The following KANSL2 variants were observed in gnomAD, a reference collection of about 807,000 sequenced individuals.
KANSL2 encodes the protein KAT8 regulatory NSL complex subunit 2, also known as NSL complex protein NSL2.
KANSL2 carries 34 observed loss-of-function variants against 55.6 expected under a neutral mutation model. The observed-to-expected ratio is 0.61, with a 90% CI of 0.46 to 0.81. The LOEUF (loss-of-function observed/expected upper bound fraction) is 0.81. Among genes scored for constraint, KANSL2 ranks in the 40% least tolerant of loss-of-function variants. The pLI is 0.00. For missense variants in KANSL2, 502 were observed against 609.9 expected, an observed-to-expected ratio of 0.82 and a Z score of 1.86; for synonymous variants, 209 against 214.3, an observed-to-expected ratio of 0.98 and a Z score of 0.22.
Position 48,672,411 on chromosome 12 carries a change from A to G in KANSL2, c.546-449T>C, listed in dbSNP as rs12424884. 8.3e-3 allele frequency among the ~76,000 whole-genome samples: 846 copies of G among 102,088 alleles called. 7 individuals are homozygous for G. Among genetic ancestry groups the G allele is most frequent in the African/African-American group, 0.026 (660 of 25,254 alleles). 67.0% of individuals were successfully genotyped at this position (102,088 alleles called of 152,430 possible). On this transcript the variant is annotated intron_variant, in intron 4 of 9. Transcript: ENST00000420613. ...TATACATGTATATATATATATACGT[A>G]TATATATATATATATATATATATTT...
Position 48,681,326 on chromosome 12 carries a change from A to G in KANSL2, c.251+56T>C, listed in dbSNP as rs146136536. On this transcript the variant is annotated intron_variant, in intron 2 of 9. Coordinates refer to ENST00000420613, the MANE Select transcript of KANSL2 (RefSeq NM_017822.4). ...CGGCAGCTATGCTGAAGCCCGCATC[A>G]TATCACATACCCCCTCGCTTTAAGA... 2.1e-3 allele frequency: 3,264 copies of G among 1,538,184 alleles called. 69 individuals carry two copies. Among genetic ancestry groups the G allele is most frequent in the Non-Finnish European group, 2.8e-4 (321 of 1,142,706 alleles).
chr12:48,681,251 TCCAA>T, intron 2 of KANSL2, 127 bp downstream of exon 2: 1 of 1,043,538 alleles, frequency 9.6e-7, no homozygotes, highest in African/African-American at 1.6e-5. Context: ...TTTTCAGTTT[TCCAA>T]GGATACAACC....
At chr12:48,654,326 C>G in intron 9 of KANSL2, 151 bp from the exon 10 acceptor site, 2 of 907,764 alleles carry the variant, frequency 2.2e-6, no homozygotes, top group Non-Finnish European at 3.7e-6. Flanking sequence ...ATTAGCTATC[C>G]TAGTCCCTTG....
intron 4 of KANSL2, among the ~76,000 whole-genome samples, chr12:48,674,723 C>T (rs1349917093): frequency 6.6e-6 from 1 of 151,950 alleles, no homozygotes; most frequent in Non-Finnish European, 1.5e-5. Flanking sequence ...GTCAGGAGTT[C>T]GAGACCAGCC....
At chr12:48,655,473 G>A (rs938608595) in intron 8 of KANSL2, among the ~76,000 whole-genome samples, 2 of 152,020 alleles carry the variant, frequency 1.3e-5, no homozygotes, top group African/African-American at 4.8e-5. Flanking sequence ...GGAGGTTGAG[G>A]TGGGAGGATC....
At chr12:48,681,184 G>T in intron 2 of KANSL2, 198 bp downstream of exon 2, 1 of 396,094 alleles carries the variant, frequency 2.5e-6, no homozygotes, top group Non-Finnish European at 4.4e-6. Flanking sequence ...TAAGGGAAAA[G>T]AACCAAAGAG....
intron 7 of KANSL2, chr12:48,667,374 C>T (rs1318902806): frequency 3.0e-6 from 1 of 335,500 alleles, no homozygotes; most frequent in African/African-American, 2.1e-5. Context: ...AACCTTGAGA[C>T]AATTACAAAT....
chr12:48,669,349 G>A (rs937159619), intron 5 of KANSL2, 77 bp from the exon 6 acceptor site: 1 of 1,204,748 alleles, frequency 8.3e-7, no homozygotes, highest in Non-Finnish European at 1.1e-6. Context: ...AAGTAAACAG[G>A]AAAATCCTTG....
chr12:48,656,269 TTTG>T (rs947304982), intron 8 of KANSL2, among the ~76,000 whole-genome samples: 1 of 140,008 alleles, frequency 7.1e-6, no homozygotes, highest in Non-Finnish European at 1.6e-5. Flanking sequence ...CCTGGTTTTT[TTTG>T]TTTTGTTTTT....
At chr12:48,662,003 G>C (rs961184003) in intron 7 of KANSL2, among the ~76,000 whole-genome samples, 6 of 152,086 alleles carry the variant, frequency 3.9e-5, no homozygotes, top group African/African-American at 1.2e-4. Context: ...GAATCTAATG[G>C]GAATCATCAG....
At chr12:48,661,196 T>C (rs1592098865) in intron 7 of KANSL2, 2 of 344,462 alleles carry the variant, frequency 5.8e-6, no homozygotes, top group Non-Finnish European at 7.0e-6. Context: ...TATACATGCC[T>C]TTTTTTTTTA....
Position 48,655,049 on chromosome 12 carries a change from A to G in KANSL2, c.1239T>C (p.Val413=), listed in dbSNP as rs1939351045. ...GAGGACACTGCATACCATCACCCAC[A>G]ACATCCAAGTCCTAGAAAAAAGAGA... ...LPLEFSDDLD[V]VGDGMQCPPS... is the part of the protein sequence containing the mutation. The change falls in exon 9 of 10, where the codon GTT becomes GTC. Residue 413 remains valine (V), a synonymous_variant. Coordinates refer to ENST00000420613, the MANE Select transcript of KANSL2 (RefSeq NM_017822.4). 1 of 1,578,262 alleles carries G rather than the reference A, an allele frequency of 6.3e-7. No individual in the cohort carries two copies. The highest frequency in any genetic ancestry group is 8.6e-7 in the Non-Finnish European group (1 of 1,161,810).
intron 7 of KANSL2, among the ~76,000 whole-genome samples, chr12:48,663,006 A>T (rs1027787997): frequency 1.3e-5 from 2 of 152,210 alleles, no homozygotes; most frequent in African/African-American, 4.8e-5. Context: ...CAGACACCGT[A>T]CAGAATTCCA....
chr12:48,654,043 A>G lies in KANSL2; in HGVS notation c.*1T>C. ...CCAAAGTAAAATGGTTCCCCAAACT[A>G]TCAACTAATAGAAGTGGGTTCTGGC... On this transcript the variant is annotated 3_prime_UTR_variant, in exon 10 of 10. Transcript: ENST00000420613. 2 of 1,578,546 alleles carry G rather than the reference A, an allele frequency of 1.3e-6. No homozygotes were observed. Among genetic ancestry groups the G allele is most frequent in the Non-Finnish European group, 1.7e-6 (2 of 1,166,674 alleles).
Position 48,679,150 on chromosome 12 carries a change from T to C in KANSL2, c.431A>G (p.Asp144Gly). 6.2e-7 allele frequency: 1 copy of C among 1,609,944 alleles called. No individual in the cohort carries two copies. The highest frequency in any genetic ancestry group is 8.5e-7 in the Non-Finnish European group (1 of 1,176,520). The change falls in exon 4 of 10, where the codon GAT becomes GGT. Residue 144 changes from aspartate to glycine, a missense_variant and splice_region_variant. Asp to Gly is a moderately conservative substitution (Grantham distance 94, BLOSUM62 -1). Coordinates refer to ENST00000420613, the MANE Select transcript of KANSL2 (RefSeq NM_017822.4). Reference sequence around the variant, plus strand: ...CTCCCCATCACTCCAGCTGTCTTCATCTGAGGCAAGGAAGGGAGAGCAGCC... The same window carrying C: ...CTCCCCATCACTCCAGCTGTCTTCACCTGAGGCAAGGAAGGGAGAGCAGCC... ...SSRSEASRIL[D>G]EDSWSDGEQE... is the part of the protein sequence containing the mutation.
Position 48,660,508 on chromosome 12 carries a change from AGT to A in KANSL2, c.1083_1084del (p.Leu362AlafsTer10). On this transcript the variant is annotated frameshift_variant, in exon 8 of 10. Transcript: ENST00000420613. LOFTEE classifies it high-confidence loss of function. ...CATCTGAGGAGGCAACTGGAAATGCAGTGGGCAGCAGGGATCCTCAGAGAGGC... is the reference window on the plus strand; with the variant it reads ...CATCTGAGGAGGCAACTGGAAATGCAGGGCAGCAGGGATCCTCAGAGAGGC... 1.2e-6 allele frequency: 2 copies of A among 1,613,790 alleles called. No homozygotes were observed. The highest frequency in any genetic ancestry group is 1.7e-6 in the Non-Finnish European group (2 of 1,179,792).
rs577644876 is a variant in KANSL2, at chr12:48,666,128, C to A, written c.973+1565G>T. Among the ~76,000 whole-genome samples, 17 of 152,072 alleles carry A rather than the reference C, an allele frequency of 1.1e-4. No individual in the cohort carries two copies. In the South Asian group the frequency reaches 3.5e-3, roughly 32 times the overall value. On this transcript the variant is annotated intron_variant, in intron 7 of 9. Coordinates refer to ENST00000420613, the MANE Select transcript of KANSL2 (RefSeq NM_017822.4). ...ACTCTGGTGGCTGAGGTGGGAAGAT[C>A]GTTTAAGCCCAGCAGATCACGGCAG...
intron 7 of KANSL2, among the ~76,000 whole-genome samples, chr12:48,661,609 A>G (rs534136856): frequency 6.6e-6 from 1 of 152,338 alleles, no homozygotes; most frequent in South Asian, 2.1e-4. Context: ...TTCAACTCAA[A>G]ACTTTTATGG....
intron 3 of KANSL2, chr12:48,679,363 C>G: frequency 4.7e-6 from 3 of 632,550 alleles, no homozygotes; most frequent in Non-Finnish European, 8.4e-6. Context: ...AAACCATGCC[C>G]TCTCAAACAG....
Sources: gnomAD v4.1 joint callset for allele counts (sites outside exome capture counted in the v4.1 genomes callset) on GRCh38, gnomAD v4.1.1 for gene constraint, MANE v1.5 for transcripts, NCBI Gene and HGNC (gene_info 2026-07-23, HGNC 2026-07-21) for gene names.